The following TRPM1 variants were observed in gnomAD, a reference collection of about 807,000 sequenced individuals.
TRPM1 encodes the protein TRPM1-203 APA Isoform, Intron 10.
A neutral mutation model predicts 149.4 loss-of-function variants in TRPM1; 113 were observed. The ratio of observed to expected loss-of-function variants is 0.76; its 90% CI spans 0.65 to 0.88. TRPM1 has a LOEUF of 0.88. TRPM1 is among the 40% of genes least tolerant of loss of function. The pLI, the probability that TRPM1 is intolerant of heterozygous loss-of-function variation, is 0.00. For missense variants in TRPM1, 1,976 were observed against 2,038.7 expected (o/e 0.97, Z 0.59); for synonymous variants, 741 against 759.5 (o/e 0.98, Z 0.40).
At chr15:31,094,308 A>G (rs2035319524) in intron 1 of TRPM1, among the ~76,000 whole-genome samples, 1 of 152,248 alleles carries the variant, frequency 6.6e-6, no homozygotes, top group South Asian at 2.1e-4. Context: ...CGATGGATTT[A>G]TAGATATGAT....
chr15:31,091,354 G>A (rs1183767228), intron 1 of TRPM1, among the ~76,000 whole-genome samples: 3 of 152,252 alleles, frequency 2.0e-5, no homozygotes, highest in African/African-American at 4.8e-5. Context: ...CTTTGTGGAC[G>A]ATGTCACTAT....
chr15:31,124,279 C>T (rs1023990527), intron 1 of TRPM1, among the ~76,000 whole-genome samples: 31 of 148,436 alleles, frequency 2.1e-4, no homozygotes, highest in African/African-American at 7.8e-4. Context: ...AGTGAGACTC[C>T]GTCTATAAAT....
At chr15:31,060,513 A>G (rs1249275328) in intron 11 of TRPM1, 31 bp downstream of exon 11, 2 of 1,568,396 alleles carry the variant, frequency 1.3e-6, no homozygotes, top group African/African-American at 1.4e-5. Context: ...AGTCAAGATC[A>G]ATGATATGAA....
intron 11 of TRPM1, among the ~76,000 whole-genome samples, chr15:31,058,471 T>C (rs564236513): frequency 6.6e-6 from 1 of 152,352 alleles, no homozygotes; most frequent in Non-Finnish European, 1.5e-5. Context: ...ACAATCTCCA[T>C]GTAATCACAA....
chr15:31,066,053 T>A (rs1450544742), intron 7 of TRPM1, 23 bp downstream of exon 7: 1 of 1,612,050 alleles, frequency 6.2e-7, no homozygotes, highest in Admixed American at 1.7e-5. Flanking sequence ...CCAGGAGGAC[T>A]GCGTGCCTTT....
chr15:31,085,901 G>A (rs192544758), intron 1 of TRPM1, among the ~76,000 whole-genome samples: 4 of 152,246 alleles, frequency 2.6e-5, no homozygotes, highest in Admixed American at 6.5e-5. Flanking sequence ...CCCTGGACCC[G>A]CAGCCACAGG....
intron 1 of TRPM1, among the ~76,000 whole-genome samples, chr15:31,146,898 G>T (rs2036230648): frequency 1.3e-5 from 2 of 151,882 alleles, no homozygotes; most frequent in South Asian, 4.1e-4. Flanking sequence ...TGAGGCAGGA[G>T]AATCGCTTGA....
intron 1 of TRPM1, among the ~76,000 whole-genome samples, chr15:31,140,563 TAGAA>T (rs969651809): frequency 6.6e-6 from 1 of 152,184 alleles, no homozygotes; most frequent in African/African-American, 2.4e-5. Flanking sequence ...AGTTGGTTGT[TAGAA>T]AGAGTCTGGT....
chr15:31,088,738 G>C (rs561132945), intron 1 of TRPM1, among the ~76,000 whole-genome samples: 2 of 149,550 alleles, frequency 1.3e-5, no homozygotes, highest in African/African-American at 4.9e-5. Flanking sequence ...GGCGGTATTC[G>C]TCTTCCTGCT....
chr15:31,032,758 G>A lies in TRPM1; in HGVS notation c.2883C>T (p.Tyr961=), dbSNP rs760356240. 6.2e-7 allele frequency: 1 copy of A among 1,614,164 alleles called. No homozygotes were observed. Among genetic ancestry groups the A allele is most frequent in the South Asian group, 1.1e-5 (1 of 91,078 alleles). ...VIYCVDIIFW[Y]IRVLDIFGVN... Reference sequence around the variant, plus strand: ...CACCAAAGATGTCCAGGACACGGATGTACCAGAAGATGATATCCACACAGT... The same window carrying A: ...CACCAAAGATGTCCAGGACACGGATATACCAGAAGATGATATCCACACAGT... The change falls in exon 22 of 28, where the codon TAC becomes TAT. Residue 961 remains tyrosine, a synonymous_variant. Coordinates refer to ENST00000256552, the MANE Select transcript of TRPM1 (RefSeq NM_001252024.2).
chr15:31,009,460 A>AT (rs2032105970), intron 27 of TRPM1, among the ~76,000 whole-genome samples: 1 of 149,174 alleles, frequency 6.7e-6, no homozygotes, highest in Non-Finnish European at 1.5e-5. Context: ...TCTCTGGTCA[A>AT]TTTTTTTCTT....
intron 1 of TRPM1, among the ~76,000 whole-genome samples, chr15:31,100,826 C>T (rs1179011083): frequency 6.6e-6 from 1 of 152,176 alleles, no homozygotes; most frequent in African/African-American, 2.4e-5. Context: ...TGTGTCCAGC[C>T]CTCTGCTTCT....
chr15:31,079,524 G>C (rs1168917497), intron 2 of TRPM1, among the ~76,000 whole-genome samples: 1 of 152,264 alleles, frequency 6.6e-6, no homozygotes, highest in Non-Finnish European at 1.5e-5. Context: ...GCAAGCAAAA[G>C]AGTGCATGCA....
intron 1 of TRPM1, among the ~76,000 whole-genome samples, chr15:31,112,379 G>C (rs1362328781): frequency 6.6e-6 from 1 of 152,216 alleles, no homozygotes; most frequent in Non-Finnish European, 1.5e-5. Flanking sequence ...TCAGGAGGCT[G>C]AAGCAGGAGA....
At chr15:31,015,222 C>T (rs566949865) in intron 27 of TRPM1, among the ~76,000 whole-genome samples, 4 of 150,718 alleles carry the variant, frequency 2.7e-5, no homozygotes, top group South Asian at 2.1e-4. Context: ...GTCTGAACAA[C>T]GTGGCAAAAC....
At chr15:31,079,595 G>T (rs984294251) in intron 2 of TRPM1, among the ~76,000 whole-genome samples, 1 of 152,238 alleles carries the variant, frequency 6.6e-6, no homozygotes, top group Non-Finnish European at 1.5e-5. Context: ...GGCTTTTGCC[G>T]TAGCCCATTC....
chr15:31,139,333 G>A (rs1160023740), intron 1 of TRPM1, among the ~76,000 whole-genome samples: 1 of 152,144 alleles, frequency 6.6e-6, no homozygotes, highest in Non-Finnish European at 1.5e-5. Context: ...CAAATTTGGT[G>A]TTGCCTAGAT....
intron 1 of TRPM1, among the ~76,000 whole-genome samples, chr15:31,089,062 G>A (rs1202591328): frequency 6.6e-6 from 1 of 152,228 alleles, no homozygotes; most frequent in Non-Finnish European, 1.5e-5. Context: ...ATTAGGATAA[G>A]TAACATTTAA....
upstream of TRPM1, among the ~76,000 whole-genome samples, chr15:31,104,741 C>T (rs2035576974): frequency 6.6e-6 from 1 of 151,910 alleles, no homozygotes; most frequent in Non-Finnish European, 1.5e-5. Flanking sequence ...CTACAGGTGC[C>T]TGCCACCACG....
Sources: gnomAD v4.1 joint callset for allele counts (sites outside exome capture counted in the v4.1 genomes callset) on GRCh38, gnomAD v4.1.1 for gene constraint, MANE v1.5 for transcripts, NCBI Gene and HGNC (gene_info 2026-07-23, HGNC 2026-07-21) for gene names.